SORBS3: variants seen among roughly 807,000 people sequenced by gnomAD.
SORBS3 encodes sorbin and SH3 domain containing 3.
SORBS3 carries 69 observed loss-of-function variants against 98.0 expected under a neutral mutation model. That is an observed-to-expected ratio of 0.70 (90% CI 0.58 to 0.86). The LOEUF (loss-of-function observed/expected upper bound fraction) is 0.86, where lower values mean the gene tolerates loss of function less well. Ranked by LOEUF, SORBS3 falls within the 40% of genes least tolerant of loss-of-function variation. The probability of loss-of-function intolerance (pLI) is 0.00; values close to 1 mark genes in which losing one functional copy is unlikely to be tolerated. For missense variants in SORBS3, 954 were observed against 908.5 expected (o/e 1.05, Z -0.64); for synonymous variants, 394 against 355.4 (o/e 1.11, Z -1.22).
At chr8:22,567,272 C>T (rs1840450962) in intron 16 of SORBS3, 97 bp downstream of exon 16, 4 of 819,270 alleles carry the variant, frequency 4.9e-6, no homozygotes, top group Non-Finnish European at 8.0e-6. Context: ...AAGCAAAAAA[C>T]TGTGAGGGGC....
In SORBS3 at chr8:22,566,553, G is replaced by T. The variant is rs543571916; in HGVS notation, c.1090+69G>T. 4.4e-6 allele frequency: 7 copies of T among 1,589,406 alleles called. No individual in the cohort carries two copies. In the African/African-American group the frequency reaches 5.4e-5, roughly 12 times the overall value. On this transcript the variant is annotated intron_variant, in intron 13 of 20. Transcript: ENST00000240123. ...CACCAGGCATGTTGGTGCCCCAGGG[G>T]TGGCAGGTCACAGAGCCCCTTGCTT...
chr8:22,549,253 GGA>G (rs1398420215), upstream of SORBS3, among the ~76,000 whole-genome samples: 1 of 152,214 alleles, frequency 6.6e-6, no homozygotes, highest in African/African-American at 2.4e-5. Context: ...TGCATGCAAA[GGA>G]GAGAGTGCAG....
At position 22,554,688 on chromosome 8, in the gene SORBS3, G is replaced by A. The variant is rs1482266954; in HGVS notation, c.102+80G>A. On this transcript the variant is annotated intron_variant, in intron 2 of 20. Coordinates refer to ENST00000240123, the MANE Select transcript of SORBS3 (RefSeq NM_005775.5). The surrounding 1 kb of genome is among the most constrained non-coding windows in gnomAD (Gnocchi z 6.5). ...GCTAGCAGGTCAGGTGGGGGCAGGAGGATGAAAGGGATGGAGGGAGGGCTG... is the reference window on the plus strand; with the variant it reads ...GCTAGCAGGTCAGGTGGGGGCAGGAAGATGAAAGGGATGGAGGGAGGGCTG... 7.5e-6 allele frequency: 11 copies of A among 1,460,448 alleles called. No homozygotes were observed. The highest frequency in any genetic ancestry group is 7.4e-5 in the East Asian group (3 of 40,682). The allele number at this position is 1,460,448 out of a possible 1,614,324, so 90.5% of individuals were successfully genotyped here.
intron 20 of SORBS3, among the ~76,000 whole-genome samples, 195 bp from the exon 21 acceptor site, chr8:22,574,472 G>C (rs1201978978): frequency 1.3e-5 from 2 of 152,188 alleles, no homozygotes; most frequent in Non-Finnish European, 2.9e-5. Context: ...TTGAGTGTGG[G>C]AAGTGTAGCT....
At chr8:22,551,302 C>T (rs1035697548), upstream of SORBS3, among the ~76,000 whole-genome samples, 36 of 151,916 alleles carry the variant, frequency 2.4e-4, no homozygotes, top group African/African-American at 8.5e-4. The surrounding 1 kb of genome is among the most constrained non-coding windows in gnomAD (Gnocchi z 5.8). Flanking sequence ...CACACCCTCT[C>T]CCCCAGCGCG....
intron 11 of SORBS3, 60 bp downstream of exon 11, chr8:22,565,414 C>G: frequency 7.4e-7 from 1 of 1,351,312 alleles, no homozygotes; most frequent in South Asian, 1.4e-5. Flanking sequence ...CGGGGCGAGC[C>G]GGGAGCCTCG....
rs370891607 is a variant in SORBS3, at chr8:22,566,654, T to A, written c.1091-7T>A. The stretch of plus-strand genomic sequence containing the variant: ...CCTCCCCAAGCTGAGGTTGTGCTTC[T>A]CCACAGACCCTAGTGCCTCTAACGG... On this transcript the variant is annotated splice_polypyrimidine_tract_variant and splice_region_variant and intron_variant, in intron 13 of 20. Coordinates refer to ENST00000240123, the MANE Select transcript of SORBS3 (RefSeq NM_005775.5). The A allele has an allele frequency of 2.8e-5, 45 of 1,598,682 alleles. No homozygotes were observed. The African/African-American group carries it at 5.6e-4, about 20-fold the overall frequency.
Position 22,551,990 on chromosome 8 carries a change from G to A in SORBS3, c.-88G>A. 2.0e-6 allele frequency: 2 copies of A among 983,368 alleles called. No homozygotes were observed. The highest frequency in any genetic ancestry group is 2.4e-6 in the Non-Finnish European group (2 of 829,242). 60.9% of individuals were successfully genotyped at this position (983,368 alleles called of 1,614,324 possible). ...AGGGATGCTCCTGCGCTCCCGGGCG[G>A]CCTCGGGCCCAGCCACCTGCTCGCC... On this transcript the variant is annotated 5_prime_UTR_variant, in exon 1 of 21. Coordinates refer to ENST00000240123, the MANE Select transcript of SORBS3 (RefSeq NM_005775.5). This position sits in a 1 kb window ranked among gnomAD's most constrained non-coding sequence, Gnocchi z 5.8.
At chr8:22,561,232 C>T (rs1840288144) in intron 5 of SORBS3, 103 bp from the exon 6 acceptor site, 1 of 1,131,710 alleles carries the variant, frequency 8.8e-7, no homozygotes, top group African/African-American at 1.6e-5. Flanking sequence ...CAGCCCTCAG[C>T]CCCCTACTCT....
In SORBS3 at chr8:22,566,823, G is replaced by C; in HGVS notation, c.1145G>C (p.Arg382Thr). ...CACTCTGTCCTCTCCCCTGCCTAGA[G>C]AAAGGCCGCCAGGCTCAAGTTTGAC... ...GSPARREEKK[R>T]KAARLKFDFQ... The change falls in exon 15 of 21, where the codon AGA becomes ACA. Residue 382 changes from arginine (R) to threonine (T), a missense_variant and splice_region_variant. Coordinates refer to ENST00000240123, the MANE Select transcript of SORBS3 (RefSeq NM_005775.5). 6.2e-7 allele frequency: 1 copy of C among 1,613,950 alleles called. No homozygotes were observed. Among genetic ancestry groups the C allele is most frequent in the Non-Finnish European group, 8.5e-7 (1 of 1,179,914 alleles).
chr8:22,551,983 C>A lies in SORBS3; in HGVS notation c.-95C>A. On this transcript the variant is annotated 5_prime_UTR_variant, in exon 1 of 21. Transcript: ENST00000240123. The surrounding 1 kb of genome is among the most constrained non-coding windows in gnomAD (Gnocchi z 5.8). ...GCCGGGCAGGGATGCTCCTGCGCTC[C>A]CGGGCGGCCTCGGGCCCAGCCACCT... The A allele has an allele frequency of 1.0e-6, 1 of 985,142 alleles. No homozygotes were observed. Among genetic ancestry groups the A allele is most frequent in the Non-Finnish European group, 1.2e-6 (1 of 829,704 alleles). 61.0% of individuals were successfully genotyped at this position (985,142 alleles called of 1,614,324 possible).
chr8:22,564,799 C>T lies in SORBS3; in HGVS notation c.816+278C>T, dbSNP rs1840369908. ...TCAGGAAATATTCTTGGAGGTGGAG[C>T]TGGACCCTTGAGAAGCTCCGAGGGC... On this transcript the variant is annotated intron_variant, in intron 10 of 20. Coordinates refer to ENST00000240123, the MANE Select transcript of SORBS3 (RefSeq NM_005775.5). The T allele has an allele frequency of 4.5e-5, 59 of 1,323,686 alleles. No individual in the cohort carries two copies. In the South Asian group the frequency reaches 9.4e-4, roughly 21 times the overall value. 82.0% of individuals were successfully genotyped at this position (1,323,686 alleles called of 1,614,324 possible).
intron 11 of SORBS3, 135 bp from the exon 12 acceptor site, chr8:22,565,691 C>T: frequency 1.6e-6 from 2 of 1,214,112 alleles, no homozygotes; most frequent in Non-Finnish European, 2.0e-6. Flanking sequence ...GGATCGGCCG[C>T]GCGGGCGCCT....
At position 22,564,451 on chromosome 8, in the gene SORBS3, C is replaced by T. The variant is rs772315906; in HGVS notation, c.763-17C>T. The stretch of plus-strand genomic sequence containing the variant: ...AAGTGAGTTCACCTGCTCTGACACA[C>T]CCTTTCTACCCTTCAGCCCAAGAAA... On this transcript the variant is annotated splice_polypyrimidine_tract_variant and intron_variant, in intron 9 of 20. Coordinates refer to ENST00000240123, the MANE Select transcript of SORBS3 (RefSeq NM_005775.5). The T allele has an allele frequency of 1.9e-6, 3 of 1,614,044 alleles. No individual in the cohort carries two copies. The highest frequency in any genetic ancestry group is 1.3e-5 in the African/African-American group (1 of 74,934).
intron 1 of SORBS3, among the ~76,000 whole-genome samples, chr8:22,553,973 G>A (rs959804385): frequency 6.6e-6 from 1 of 152,232 alleles, no homozygotes; most frequent in Non-Finnish European, 1.5e-5. Context: ...CAGTGGGCGG[G>A]TGGCTGAGTA....
chr8:22,565,767 C>A, intron 11 of SORBS3, 59 bp from the exon 12 acceptor site: 3 of 1,297,192 alleles, frequency 2.3e-6, no homozygotes, highest in East Asian at 3.3e-5. Context: ...GAGGCGGCGG[C>A]CTCGGCTGCC....
At chr8:22,561,764 G>T (rs1406913848) in intron 6 of SORBS3, 101 bp from the exon 7 acceptor site, 2 of 1,055,206 alleles carry the variant, frequency 1.9e-6, no homozygotes, top group Non-Finnish European at 2.9e-6. Flanking sequence ...GGAGCAAGGG[G>T]GTGGTGCTGA....
chr8:22,574,509 G>A (rs116853117), intron 20 of SORBS3, among the ~76,000 whole-genome samples, 158 bp from the exon 21 acceptor site: 8 of 152,264 alleles, frequency 5.3e-5, no homozygotes, highest in Non-Finnish European at 1.0e-4. Context: ...CTGCCGCTAG[G>A]GGGCAGGAAG....
At position 22,554,197 on chromosome 8, in the gene SORBS3, C is replaced by T. The variant is rs1214209594; in HGVS notation, c.-55-255C>T. The T allele has an allele frequency of 3.8e-6, 1 of 262,200 alleles. No individual in the cohort carries two copies. Among genetic ancestry groups the T allele is most frequent in the Non-Finnish European group, 7.3e-6 (1 of 136,532 alleles). The allele number at this position is 262,200 out of a possible 1,614,324, so 16.2% of individuals were successfully genotyped here. A position where few individuals can be genotyped will look rare whatever the true frequency, so the allele number is the denominator to read the frequency against. On this transcript the variant is annotated intron_variant, in intron 1 of 20. Transcript: ENST00000240123. This position sits in a 1 kb window ranked among gnomAD's most constrained non-coding sequence, Gnocchi z 6.5. ...CTCCCCTCCTCCTCACCCAAGCTCC[C>T]CCTCCCCCACTCCCACCCGGAGCTC...
Sources: gnomAD v4.1 joint callset for allele counts (sites outside exome capture counted in the v4.1 genomes callset) on GRCh38, gnomAD v4.1.1 for gene constraint, Gnocchi (gnomAD v3.1) non-coding constraint, MANE v1.5 for transcripts, NCBI Gene and HGNC (gene_info 2026-07-23, HGNC 2026-07-21) for gene names.